The following CHODL variants were observed in gnomAD, a reference collection of about 807,000 sequenced individuals.
CHODL encodes the protein chondrolectin.
In CHODL, 29 loss-of-function variants were observed where a neutral mutation model predicts 34.5. That is an observed-to-expected ratio of 0.84 (90% CI 0.63 to 1.15). The LOEUF is 1.15. Ranked by LOEUF, CHODL falls within the 50% of genes most tolerant of loss-of-function variation. The pLI is 0.00. For missense variants in CHODL, 332 were observed against 332.5 expected (o/e 1.00, Z 0.01); for synonymous variants, 125 against 116.1 (o/e 1.08, Z -0.49).
intron 1 of CHODL, among the ~76,000 whole-genome samples, chr21:17,959,890 T>C (rs1459000164): frequency 1.3e-5 from 2 of 152,160 alleles, no homozygotes; most frequent in Admixed American, 1.3e-4. Context: ...TTCAGGAAAT[T>C]AAAATGTAAT....
chr21:18,016,897 A>G (rs1012642075), intron 1 of CHODL, among the ~76,000 whole-genome samples: 5 of 152,238 alleles, frequency 3.3e-5, no homozygotes, highest in African/African-American at 1.2e-4. Context: ...GAGCTTTAAG[A>G]TTTAATGAGT....
intron 2 of CHODL, among the ~76,000 whole-genome samples, chr21:18,057,383 CA>C (rs2064596211): frequency 6.6e-6 from 1 of 151,828 alleles, no homozygotes; most frequent in African/African-American, 2.4e-5. Context: ...CAAAATTGAG[CA>C]AAAATGTACA....
At chr21:18,018,898 G>A (rs979699464) in intron 1 of CHODL, among the ~76,000 whole-genome samples, 11 of 152,128 alleles carry the variant, frequency 7.2e-5, no homozygotes, top group Admixed American at 2.6e-4. Context: ...AAGAGTCAAC[G>A]AATAGGCACA....
chr21:18,257,579 G>A (rs907904334), intron 3 of CHODL, among the ~76,000 whole-genome samples: 1 of 152,112 alleles, frequency 6.6e-6, no homozygotes, highest in East Asian at 1.9e-4. Flanking sequence ...TCATTTTATG[G>A]TATAATACTT....
intron 2 of CHODL, among the ~76,000 whole-genome samples, chr21:18,192,477 G>GC (rs1028240264): frequency 5.3e-5 from 8 of 152,072 alleles, no homozygotes; most frequent in Non-Finnish European, 1.2e-4. Context: ...CATAAGTTTC[G>GC]CATGAAAGGC....
intron 2 of CHODL, among the ~76,000 whole-genome samples, chr21:18,235,433 T>C (rs2074020355): frequency 6.6e-6 from 1 of 152,076 alleles, no homozygotes; most frequent in Non-Finnish European, 1.5e-5. Flanking sequence ...CAAAACAATG[T>C]GTTGATTATT....
At chr21:18,031,423 GAGA>G (rs940713534) in intron 2 of CHODL, among the ~76,000 whole-genome samples, 2 of 152,102 alleles carry the variant, frequency 1.3e-5, no homozygotes, top group Non-Finnish European at 2.9e-5. Context: ...GGTAATAATA[GAGA>G]AGAAGAAGCT....
intron 2 of CHODL, among the ~76,000 whole-genome samples, chr21:18,065,050 A>G (rs2064714782): frequency 6.6e-6 from 1 of 152,216 alleles, no homozygotes. Flanking sequence ...TTGCACTACC[A>G]TCTGAAGGAT....
intron 2 of CHODL, among the ~76,000 whole-genome samples, chr21:18,143,253 A>G (rs1009839103): frequency 6.6e-6 from 1 of 152,216 alleles, no homozygotes; most frequent in African/African-American, 2.4e-5. Flanking sequence ...ATTAAGAAGT[A>G]GGAACACTAT....
intron 2 of CHODL, among the ~76,000 whole-genome samples, chr21:18,149,684 G>A (rs1380163895): frequency 6.6e-6 from 1 of 152,148 alleles, no homozygotes; most frequent in Non-Finnish European, 1.5e-5. Flanking sequence ...GAGGAGAATT[G>A]CACCTGTCTT....
At position 18,181,305 on chromosome 21, in the gene CHODL, TTAG is replaced by T. The variant is rs1019109056; in HGVS notation, c.-44-75200_-44-75198del. 4.5e-4 allele frequency among the ~76,000 whole-genome samples: 68 copies of T among 152,244 alleles called. 2 individuals are homozygous for T. The highest frequency in any genetic ancestry group is 4.4e-5 in the Non-Finnish European group (3 of 68,036). On this transcript the variant is annotated intron_variant, in intron 2 of 6. Coordinates refer to the CHODL transcript ENST00000400127. ...TTTGAAGTATATAATTTAATGGTTT[TTAG>T]TAGAGTTGTGCAACCATCACCACAA... is the stretch of plus-strand genomic sequence containing the variant.
intron 2 of CHODL, among the ~76,000 whole-genome samples, chr21:18,075,867 G>A (rs1372729132): frequency 6.6e-6 from 1 of 152,146 alleles, no homozygotes; most frequent in Non-Finnish European, 1.5e-5. Context: ...ACTGTCGTGA[G>A]TAGGATTAGT....
intron 1 of CHODL, among the ~76,000 whole-genome samples, chr21:17,927,136 A>C: frequency 8.3e-6 from 1 of 119,894 alleles, no homozygotes; most frequent in South Asian, 2.9e-4. Flanking sequence ...ATATATATGT[A>C]TATATGTATA....
intron 2 of CHODL, among the ~76,000 whole-genome samples, chr21:18,153,269 A>G (rs891473791): frequency 6.6e-6 from 1 of 152,154 alleles, no homozygotes; most frequent in Non-Finnish European, 1.5e-5. Context: ...TCCACCTCAG[A>G]GCTCATTCAG....
At chr21:18,187,886 G>C (rs2041644335) in intron 2 of CHODL, among the ~76,000 whole-genome samples, 1 of 151,958 alleles carries the variant, frequency 6.6e-6, no homozygotes, top group African/African-American at 2.4e-5. Context: ...TCTCATTTAA[G>C]CTATCATCTT....
At chr21:18,242,750 TAAG>T (rs1380362759), upstream of CHODL, among the ~76,000 whole-genome samples, 2 of 152,290 alleles carry the variant, frequency 1.3e-5, no homozygotes, top group African/African-American at 4.8e-5. Flanking sequence ...AGCCTAAAGA[TAAG>T]AAACTGTATG....
chr21:18,005,225 A>C (rs966420257), intron 1 of CHODL, among the ~76,000 whole-genome samples: 3 of 151,990 alleles, frequency 2.0e-5, no homozygotes, highest in Non-Finnish European at 4.4e-5. Context: ...CTGCCAATTT[A>C]CTCTGTTGTC....
At chr21:18,049,005 A>C (rs1271392380) in intron 2 of CHODL, among the ~76,000 whole-genome samples, 1 of 151,982 alleles carries the variant, frequency 6.6e-6, no homozygotes, top group Non-Finnish European at 1.5e-5. Context: ...TAATCATTTT[A>C]AATTTGTAAA....
At position 17,982,880 on chromosome 21, in the gene CHODL, C is replaced by G. The variant is rs546716597; in HGVS notation, c.-144-44992C>G. Among the ~76,000 whole-genome samples, 33 of 151,304 alleles carry G rather than the reference C, an allele frequency of 2.2e-4. 1 individual carries two copies. Among genetic ancestry groups the G allele is most frequent in the African/African-American group, 7.5e-4 (31 of 41,248 alleles). ...CATGAACCACCCACTCCCTCCAACCCCCCCCAGCTAATTTTTGTATTTTTA... is the reference window on the plus strand; with the variant it reads ...CATGAACCACCCACTCCCTCCAACCGCCCCCAGCTAATTTTTGTATTTTTA... On this transcript the variant is annotated intron_variant, in intron 1 of 6. Coordinates refer to the CHODL transcript ENST00000400127.
Sources: gnomAD v4.1 joint callset for allele counts (sites outside exome capture counted in the v4.1 genomes callset) on GRCh38, gnomAD v4.1.1 for gene constraint, MANE v1.5 for transcripts, NCBI Gene and HGNC (gene_info 2026-07-23, HGNC 2026-07-21) for gene names.